The following ANKFY1 variants were observed in gnomAD, a reference collection of about 807,000 sequenced individuals.
ANKFY1 encodes ankyrin repeat and FYVE domain containing 1, also known as ankyrin repeat and FYVE domain-containing protein 1.
Under a neutral mutation model 128.3 loss-of-function variants are expected in ANKFY1, and 47 were observed. The observed-to-expected ratio is 0.37, with a 90% CI of 0.29 to 0.47. The LOEUF (loss-of-function observed/expected upper bound fraction) is 0.47, where lower values mean the gene tolerates loss of function less well. Among genes scored for constraint, ANKFY1 ranks in the 20% least tolerant of loss-of-function variants. The probability of loss-of-function intolerance (pLI) is 1.00; values close to 1 mark genes in which losing one functional copy is unlikely to be tolerated. For missense variants in ANKFY1, 1,222 were observed against 1,510.6 expected (o/e 0.81, Z 3.17); for synonymous variants, 553 against 601.6 (o/e 0.92, Z 1.18).
chr17:4,252,448 A>G (rs530094580), intron 1 of ANKFY1, among the ~76,000 whole-genome samples: 36 of 152,272 alleles, frequency 2.4e-4, no homozygotes, highest in African/African-American at 8.2e-4. Flanking sequence ...GTGCACCTGC[A>G]GTCCTAGCCA....
chr17:4,205,874 T>C lies in ANKFY1; in HGVS notation c.898+447A>G, dbSNP rs185115604. On this transcript the variant is annotated intron_variant, in intron 7 of 24. Coordinates refer to ENST00000341657, the MANE Select transcript of ANKFY1 (RefSeq NM_001330063.2). ...CTAGAACAAAATGAAACTCTATCAA[T>C]TTATCATAATAGAGGCCTAGCCTGT... Among the ~76,000 whole-genome samples, 33 of 152,326 alleles carry C rather than the reference T, an allele frequency of 2.2e-4. No homozygotes were observed. The East Asian group carries it at 4.8e-3, about 22-fold the overall frequency.
intron 10 of ANKFY1, 58 bp downstream of exon 10, chr17:4,194,920 G>A (rs2059788652): frequency 3.8e-6 from 6 of 1,564,626 alleles, no homozygotes; most frequent in Admixed American, 1.7e-5. Context: ...GCATTTACAT[G>A]CCATTTCCTG....
At position 4,182,236 on chromosome 17, in the gene ANKFY1, T is replaced by A; in HGVS notation, c.2066A>T (p.Asn689Ile). Residue 689 changes from asparagine (N) to isoleucine (I), a missense_variant, in exon 15 of 25, where the codon AAC (asparagine) becomes ATC (isoleucine). By Grantham distance (149) the Asn-to-Ile change is moderately radical (BLOSUM62 -3). Transcript: ENST00000341657. ...TGCCAATGCAAGCCACAGCGGGGGG[T>A]TCCCCTTCTCATCTGGCACAGACAT... ...ADMSVPDEKG[N>I]PPLWLALANN... The A allele has an allele frequency of 6.3e-7, 1 of 1,583,440 alleles. No homozygotes were observed. Among genetic ancestry groups the A allele is most frequent in the Non-Finnish European group, 8.6e-7 (1 of 1,162,532 alleles).
intron 3 of ANKFY1, among the ~76,000 whole-genome samples, chr17:4,225,249 C>T (rs554815338): frequency 3.9e-5 from 6 of 152,048 alleles, no homozygotes; most frequent in African/African-American, 9.6e-5. Context: ...CCCAGCTACT[C>T]GGGAGGCTGA....
At chr17:4,205,527 G>A (rs12601771) in intron 7 of ANKFY1, among the ~76,000 whole-genome samples, 72,844 of 152,032 alleles carry the variant, frequency 0.48, 19,433 homozygotes, top group East Asian at 0.75. Flanking sequence ...TGGATCACCA[G>A]GTCAGGAGAT....
chr17:4,209,317 G>A lies in ANKFY1; in HGVS notation c.582+507C>T, dbSNP rs985363872. On this transcript the variant is annotated intron_variant, in intron 5 of 24. Transcript: ENST00000341657. ...CCTCAGCTATCTTTTTTGGGGGGGCGGGAGACGGAGTCTCGCTCTGTCACC... is the reference window on the plus strand; with the variant it reads ...CCTCAGCTATCTTTTTTGGGGGGGCAGGAGACGGAGTCTCGCTCTGTCACC... 4.6e-5 allele frequency among the ~76,000 whole-genome samples: 7 copies of A among 152,142 alleles called. No homozygotes were observed. The East Asian group carries it at 5.8e-4, about 13-fold the overall frequency.
At chr17:4,194,003 C>T (rs867129880) in intron 10 of ANKFY1, among the ~76,000 whole-genome samples, 12 of 150,968 alleles carry the variant, frequency 7.9e-5, no homozygotes, top group Non-Finnish European at 1.3e-4. Flanking sequence ...GGTGATCCAC[C>T]GGCCTCAGCC....
intron 7 of ANKFY1, among the ~76,000 whole-genome samples, chr17:4,200,465 G>A (rs1598061225): frequency 6.6e-6 from 1 of 152,224 alleles, no homozygotes; most frequent in Non-Finnish European, 1.5e-5. Context: ...GTGATAGCAA[G>A]TTAACCCAAG....
At chr17:4,221,422 G>C (rs2060310056) in intron 3 of ANKFY1, among the ~76,000 whole-genome samples, 1 of 152,192 alleles carries the variant, frequency 6.6e-6, no homozygotes, top group Non-Finnish European at 1.5e-5. Flanking sequence ...ATGTTGCCCA[G>C]GCTGGCCTTG....
At chr17:4,234,419 A>C (rs997490295) in intron 3 of ANKFY1, among the ~76,000 whole-genome samples, 1 of 152,196 alleles carries the variant, frequency 6.6e-6, no homozygotes, top group Non-Finnish European at 1.5e-5. Context: ...TTTCAAGTCT[A>C]CTTGCCACCC....
intron 1 of ANKFY1, among the ~76,000 whole-genome samples, chr17:4,243,791 T>A (rs1055826859): frequency 6.6e-6 from 1 of 152,192 alleles, no homozygotes; most frequent in Non-Finnish European, 1.5e-5. Flanking sequence ...GTTAAAAGGT[T>A]GAGAACCACC....
intron 3 of ANKFY1, among the ~76,000 whole-genome samples, chr17:4,226,754 AAAAG>A (rs567624464): frequency 3.0e-3 from 460 of 151,822 alleles, no homozygotes; most frequent in Non-Finnish European, 5.7e-3. Context: ...AAAAAAAAAA[AAAAG>A]AAATCAATAA....
chr17:4,195,160 T>TTC lies in ANKFY1; in HGVS notation c.1189_1190insGA (p.Lys397ArgfsTer25). 1 of 1,609,400 alleles carries TTC rather than the reference T, an allele frequency of 6.2e-7. No homozygotes were observed. Among genetic ancestry groups the TTC allele is most frequent in the Non-Finnish European group, 8.5e-7 (1 of 1,176,380 alleles). ...CAGAGCCGTGCTGCCCTCGTGGTCT[T>TTC]TGAGTTCTAAATCTAGTCTGAAAAG... On this transcript the variant is annotated frameshift_variant, in exon 10 of 25. Coordinates refer to ENST00000341657, the MANE Select transcript of ANKFY1 (RefSeq NM_001330063.2). LOFTEE classifies it high-confidence loss of function.
chr17:4,228,744 G>A (rs1270865443), intron 3 of ANKFY1, among the ~76,000 whole-genome samples: 1 of 152,172 alleles, frequency 6.6e-6, no homozygotes, highest in Non-Finnish European at 1.5e-5. Context: ...GTTGATTGTG[G>A]CAGTGGCTTC....
At chr17:4,263,731 C>G in intron 1 of ANKFY1, 2 of 1,481,984 alleles carry the variant, frequency 1.3e-6, no homozygotes, top group Non-Finnish European at 1.8e-6. Context: ...GGGTCGGCAT[C>G]GCGGGAGGGA....
intron 10 of ANKFY1, among the ~76,000 whole-genome samples, chr17:4,192,321 T>C (rs1339257238): frequency 1.4e-5 from 2 of 146,500 alleles, no homozygotes; most frequent in African/African-American, 5.1e-5. Flanking sequence ...ATCTGGAGAC[T>C]CTTAGTTGAT....
At chr17:4,180,257 CT>C (rs1476122490) in intron 16 of ANKFY1, 1 of 174,638 alleles carries the variant, frequency 5.7e-6, no homozygotes, top group East Asian at 1.6e-4. Context: ...ACGAAACCCC[CT>C]CTCTGCTAAA....
At position 4,195,530 on chromosome 17, in the gene ANKFY1, G is replaced by A. The variant is rs1555628015; in HGVS notation, c.1104-59C>T. 12 of 1,340,914 alleles carry A rather than the reference G, an allele frequency of 8.9e-6. No homozygotes were observed. In the Admixed American group the frequency reaches 1.1e-4, roughly 13 times the overall value. 83.1% of individuals were successfully genotyped at this position (1,340,914 alleles called of 1,614,324 possible). On this transcript the variant is annotated intron_variant, in intron 8 of 24. Transcript: ENST00000341657. ...GACAGGCCTGTTCAGGATGACTCAC[G>A]GCAAGACGCAACCAGAATCCCAGGC...
In ANKFY1 at chr17:4,213,761, G is replaced by A. The variant is rs182582635; in HGVS notation, c.458+3222C>T. Reference sequence around the variant, plus strand: ...GCTAATTTTTTGTATTTTTAGTAGAGATGAGGTTTCACCATGTTAGCCAGG... The same window carrying A: ...GCTAATTTTTTGTATTTTTAGTAGAAATGAGGTTTCACCATGTTAGCCAGG... On this transcript the variant is annotated intron_variant, in intron 4 of 24. Coordinates refer to ENST00000341657, the MANE Select transcript of ANKFY1 (RefSeq NM_001330063.2). 5.3e-5 allele frequency among the ~76,000 whole-genome samples: 8 copies of A among 152,058 alleles called. No homozygotes were observed. The South Asian group carries it at 8.3e-4, about 16-fold the overall frequency.
Sources: gnomAD v4.1 joint callset for allele counts (sites outside exome capture counted in the v4.1 genomes callset) on GRCh38, gnomAD v4.1.1 for gene constraint, MANE v1.5 for transcripts, NCBI Gene and HGNC (gene_info 2026-07-23, HGNC 2026-07-21) for gene names.